Variants in ROCK1 observed in about 807,000 individuals in gnomAD.
The protein encoded by ROCK1 is Rho associated coiled-coil containing protein kinase 1, also known as rho-associated protein kinase 1.
In ROCK1, 36 loss-of-function variants were observed where a neutral mutation model predicts 196.8. The observed-to-expected ratio is 0.18, with a 90% CI of 0.14 to 0.24. ROCK1 has a LOEUF of 0.24. Among genes scored for constraint, ROCK1 ranks in the 10% least tolerant of loss-of-function variants. ROCK1 has a pLI of 1.00. For missense variants in ROCK1, 920 were observed against 1,562.0 expected (o/e 0.59, Z 6.93); for synonymous variants, 443 against 515.9 (o/e 0.86, Z 1.91).
At chr18:21,041,847 GAAC>G (rs534202666) in intron 8 of ROCK1, among the ~76,000 whole-genome samples, 47 of 151,830 alleles carry the variant, frequency 3.1e-4, no homozygotes, top group Non-Finnish European at 5.2e-4. Flanking sequence ...GTTAAAAATT[GAAC>G]AATAAAAGAA....
chr18:21,042,453 C>T, intron 7 of ROCK1, 112 bp downstream of exon 7: 2 of 1,239,144 alleles, frequency 1.6e-6, no homozygotes, highest in Non-Finnish European at 2.2e-6. Flanking sequence ...ATGTTTATTA[C>T]CCACAAATAA....
intron 2 of ROCK1, 25 bp downstream of exon 2, chr18:21,070,507 T>A (rs770277031): frequency 4.0e-5 from 52 of 1,316,106 alleles, no homozygotes; most frequent in Non-Finnish European, 3.7e-5. Context: ...AAGTCTGTCA[T>A]TAACCTCCAC....
intron 22 of ROCK1, among the ~76,000 whole-genome samples, chr18:20,971,846 A>G (rs1383633454): frequency 1.3e-5 from 2 of 152,164 alleles, no homozygotes; most frequent in Admixed American, 6.5e-5. Context: ...TAAAATATGG[A>G]AAGTTATGAA....
At chr18:21,055,164 C>T (rs914772621) in intron 2 of ROCK1, among the ~76,000 whole-genome samples, 1 of 152,090 alleles carries the variant, frequency 6.6e-6, no homozygotes, top group African/African-American at 2.4e-5. Flanking sequence ...TAGTTAAATC[C>T]AACTCTCCAA....
intron 1 of ROCK1, among the ~76,000 whole-genome samples, chr18:21,077,344 C>T (rs2036441943): frequency 6.6e-6 from 1 of 152,130 alleles, no homozygotes; most frequent in Non-Finnish European, 1.5e-5. Flanking sequence ...ACCTTGAACC[C>T]AAGAGGGTAG....
At chr18:21,008,690 T>A (rs1024083895) in intron 13 of ROCK1, among the ~76,000 whole-genome samples, 5 of 152,232 alleles carry the variant, frequency 3.3e-5, no homozygotes, top group African/African-American at 1.2e-4. Context: ...TGTTTTACAG[T>A]GTTTCTGGGC....
intron 16 of ROCK1, among the ~76,000 whole-genome samples, chr18:21,005,897 A>C (rs139739442): frequency 6.6e-6 from 1 of 152,300 alleles, no homozygotes; most frequent in African/African-American, 2.4e-5. Flanking sequence ...AAACAATAAA[A>C]AAGAATGCAA....
chr18:20,963,446 G>A (rs1358221729), intron 27 of ROCK1, among the ~76,000 whole-genome samples: 1 of 151,874 alleles, frequency 6.6e-6, no homozygotes, highest in Non-Finnish European at 1.5e-5. Context: ...TACTCAACAA[G>A]TCAGATACAC....
chr18:21,002,104 A>C (rs556360680), intron 16 of ROCK1, among the ~76,000 whole-genome samples: 67 of 152,156 alleles, frequency 4.4e-4, no homozygotes, highest in Non-Finnish European at 6.8e-4. Context: ...TTACAAAAAA[A>C]ATTGTTTCCT....
Position 21,039,644 on chromosome 18 carries a change from T to A in ROCK1, c.960-81A>T. 3 of 972,968 alleles carry A rather than the reference T, an allele frequency of 3.1e-6. No individual in the cohort carries two copies. In the South Asian group the frequency reaches 4.0e-5, roughly 13 times the overall value. 60.3% of individuals were successfully genotyped at this position (972,968 alleles called of 1,614,324 possible). The stretch of plus-strand genomic sequence containing the variant: ...TGTCCAGGTTTATTTGTGGGCAGGA[T>A]ATTAAATCAGTGTAGGACGACAAAT... On this transcript the variant is annotated intron_variant, in intron 8 of 32. Coordinates refer to ENST00000399799, the MANE Select transcript of ROCK1 (RefSeq NM_005406.3).
At chr18:21,042,798 T>A in intron 6 of ROCK1, 89 bp from the exon 7 acceptor site, 1 of 1,267,116 alleles carries the variant, frequency 7.9e-7, no homozygotes, top group South Asian at 1.5e-5. Context: ...CCTATGGGAC[T>A]CCAAATCTTT....
At chr18:21,050,669 TAAG>T (rs2036196628) in intron 2 of ROCK1, among the ~76,000 whole-genome samples, 1 of 152,328 alleles carries the variant, frequency 6.6e-6, no homozygotes, top group East Asian at 1.9e-4. Context: ...CAGTTCCTAA[TAAG>T]AGCTGTATTA....
intron 2 of ROCK1, among the ~76,000 whole-genome samples, chr18:21,068,976 G>A (rs546984601): frequency 6.6e-5 from 10 of 151,996 alleles, no homozygotes; most frequent in Non-Finnish European, 1.5e-4. Context: ...GATGGCACTG[G>A]CTAGAACTTC....
chr18:21,033,287 T>G (rs894779420), intron 9 of ROCK1, among the ~76,000 whole-genome samples: 6 of 152,126 alleles, frequency 3.9e-5, no homozygotes, highest in Admixed American at 1.3e-4. Flanking sequence ...CAACACCCCT[T>G]CATGATTGAA....
chr18:21,001,713 C>T (rs1299223630), intron 16 of ROCK1, among the ~76,000 whole-genome samples: 2 of 150,546 alleles, frequency 1.3e-5, no homozygotes, highest in Non-Finnish European at 2.9e-5. Context: ...TGCAATGAGC[C>T]GAGATCATGC....
chr18:21,003,691 T>G (rs1466011670), intron 16 of ROCK1, among the ~76,000 whole-genome samples: 1 of 152,152 alleles, frequency 6.6e-6, no homozygotes, highest in South Asian at 2.1e-4. Context: ...TGAAGCTTAA[T>G]GAGTACACAA....
At chr18:21,066,958 G>A (rs982159238) in intron 2 of ROCK1, among the ~76,000 whole-genome samples, 2 of 152,112 alleles carry the variant, frequency 1.3e-5, no homozygotes, top group Admixed American at 6.5e-5. Context: ...CAGAATTCCT[G>A]GGGTCATATA....
chr18:20,955,638 T>C (rs1279203677), intron 29 of ROCK1, among the ~76,000 whole-genome samples: 2 of 149,440 alleles, frequency 1.3e-5, no homozygotes, highest in Non-Finnish European at 3.0e-5. Context: ...TAACATTTTA[T>C]ATCTATTTAA....
intron 12 of ROCK1, among the ~76,000 whole-genome samples, chr18:21,019,690 C>T (rs1239815483): frequency 2.0e-5 from 3 of 151,080 alleles, no homozygotes; most frequent in African/African-American, 2.4e-5. Context: ...CCCAGCTACT[C>T]GGGAGGCTGA....
Sources: allele counts gnomAD v4.1 joint callset (sites outside exome capture counted in the v4.1 genomes callset), GRCh38; gene constraint gnomAD v4.1.1; transcripts MANE v1.5; gene names NCBI Gene and HGNC (gene_info 2026-07-23, HGNC 2026-07-21).